SNTB1: variants seen among roughly 807,000 people sequenced by gnomAD.
SNTB1 encodes syntrophin beta 1.
SNTB1 carries 36 observed loss-of-function variants against 48.9 expected under a neutral mutation model. The ratio of observed to expected loss-of-function variants is 0.74; its 90% CI spans 0.56 to 0.97. The LOEUF is 0.97. SNTB1 is among the 50% of genes least tolerant of loss of function. The pLI, the probability that SNTB1 is intolerant of heterozygous loss-of-function variation, is 0.00. For missense variants in SNTB1, 786 were observed against 703.4 expected, an observed-to-expected ratio of 1.12 and a Z score of -1.33; for synonymous variants, 299 against 294.6, an observed-to-expected ratio of 1.01 and a Z score of -0.15.
chr8:120,704,525 T>A (rs113712948), intron 1 of SNTB1, among the ~76,000 whole-genome samples: 335 of 152,104 alleles, frequency 2.2e-3, no homozygotes, highest in Non-Finnish European at 3.1e-3. Flanking sequence ...CATAAACTGA[T>A]AAAATATCAG....
chr8:120,603,189 C>G (rs1362372726), intron 3 of SNTB1, among the ~76,000 whole-genome samples: 1 of 151,962 alleles, frequency 6.6e-6, no homozygotes, highest in Non-Finnish European at 1.5e-5. Flanking sequence ...TGCAACCTCT[C>G]CTCCCGGGTT....
At chr8:120,545,169 C>A (rs900658798) in intron 5 of SNTB1, among the ~76,000 whole-genome samples, 1 of 152,028 alleles carries the variant, frequency 6.6e-6, no homozygotes, top group African/African-American at 2.4e-5. Context: ...CACGGTGAAA[C>A]CCCATCTCTA....
chr8:120,759,231 C>A (rs1461285280), intron 1 of SNTB1, among the ~76,000 whole-genome samples: 2 of 152,156 alleles, frequency 1.3e-5, no homozygotes, highest in Non-Finnish European at 2.9e-5. Flanking sequence ...CATACATGAG[C>A]TAAACAGTTT....
intron 1 of SNTB1, among the ~76,000 whole-genome samples, chr8:120,722,549 G>C (rs979953124): frequency 5.9e-5 from 9 of 152,172 alleles, no homozygotes; most frequent in African/African-American, 2.2e-4. Context: ...GTCTTCTTTT[G>C]AGAAGTGTCT....
chr8:120,536,683 A>C lies in SNTB1; in HGVS notation c.*2194T>G, dbSNP rs891661430. 6.6e-6 allele frequency: 1 copy of C among 152,072 alleles called. No individual in the cohort carries two copies. The highest frequency in any genetic ancestry group is 1.5e-5 in the Non-Finnish European group (1 of 67,966). 9.4% of individuals were successfully genotyped at this position (152,072 alleles called of 1,614,324 possible). On this transcript the variant is annotated 3_prime_UTR_variant, in exon 7 of 7. Transcript: ENST00000517992. ...ATTCAAATATATTTTCCTAAAATAT[A>C]AATAATTAAATTAAATGTTTATAAA...
At chr8:120,660,993 G>T (rs373023421) in intron 2 of SNTB1, among the ~76,000 whole-genome samples, 3 of 152,146 alleles carry the variant, frequency 2.0e-5, no homozygotes, top group Non-Finnish European at 4.4e-5. Context: ...GGTGTAGTTT[G>T]TGGTATCCTA....
chr8:120,802,456 C>A (rs1820245138), intron 1 of SNTB1, among the ~76,000 whole-genome samples: 1 of 152,050 alleles, frequency 6.6e-6, no homozygotes, highest in African/African-American at 2.4e-5. Context: ...CCCACAGCAG[C>A]CTACACTGTG....
chr8:120,588,408 A>T (rs1482086648), intron 3 of SNTB1, among the ~76,000 whole-genome samples: 1 of 152,106 alleles, frequency 6.6e-6, no homozygotes, highest in East Asian at 1.9e-4. Context: ...AAAAAAAAAA[A>T]CAAGAATTGA....
intron 3 of SNTB1, among the ~76,000 whole-genome samples, chr8:120,606,559 T>A (rs1816523359): frequency 6.6e-6 from 1 of 152,044 alleles, no homozygotes; most frequent in African/African-American, 2.4e-5. Context: ...TAGGCAGGTA[T>A]TATCACTACA....
At chr8:120,697,412 G>T (rs1818230538) in intron 1 of SNTB1, among the ~76,000 whole-genome samples, 1 of 152,182 alleles carries the variant, frequency 6.6e-6, no homozygotes, top group South Asian at 2.1e-4. Flanking sequence ...ATTTTCATGT[G>T]CTAAGAACAG....
intron 1 of SNTB1, among the ~76,000 whole-genome samples, chr8:120,739,679 T>C (rs1219097232): frequency 6.6e-6 from 1 of 152,178 alleles, no homozygotes; most frequent in African/African-American, 2.4e-5. Flanking sequence ...GACTGGGGAA[T>C]TAAACACATC....
At chr8:120,585,775 T>A (rs1816129717) in intron 3 of SNTB1, among the ~76,000 whole-genome samples, 1 of 152,264 alleles carries the variant, frequency 6.6e-6, no homozygotes, top group Non-Finnish European at 1.5e-5. Flanking sequence ...CCAGGGCAGA[T>A]GTTTGCAAGT....
At chr8:120,707,159 G>T (rs183829056) in intron 1 of SNTB1, among the ~76,000 whole-genome samples, 1 of 152,282 alleles carries the variant, frequency 6.6e-6, no homozygotes, top group Non-Finnish European at 1.5e-5. Flanking sequence ...TGCATAAGTT[G>T]CAGGGCCTTT....
At chr8:120,796,535 A>G (rs966534345) in intron 1 of SNTB1, among the ~76,000 whole-genome samples, 1 of 152,018 alleles carries the variant, frequency 6.6e-6, no homozygotes, top group Non-Finnish European at 1.5e-5. Context: ...TAAAAACTGA[A>G]AGAAAGCACA....
chr8:120,582,106 T>C (rs1816058365), intron 3 of SNTB1, among the ~76,000 whole-genome samples: 2 of 152,178 alleles, frequency 1.3e-5, no homozygotes, highest in Admixed American at 6.5e-5. Flanking sequence ...CAAGTACACA[T>C]AGAATTAACA....
chr8:120,637,577 T>C (rs1817103340), intron 2 of SNTB1: 1 of 200,266 alleles, frequency 5.0e-6, no homozygotes, highest in African/African-American at 2.4e-5. Context: ...CACAAAGTGT[T>C]ATGTGCAAAA....
At chr8:120,565,634 ACT>A (rs1289012311) in intron 4 of SNTB1, among the ~76,000 whole-genome samples, 1 of 152,208 alleles carries the variant, frequency 6.6e-6, no homozygotes, top group Non-Finnish European at 1.5e-5. Flanking sequence ...GCTGTTGATC[ACT>A]CTGTGAGGGC....
At chr8:120,581,332 G>T (rs1369901281) in intron 3 of SNTB1, among the ~76,000 whole-genome samples, 3 of 152,144 alleles carry the variant, frequency 2.0e-5, no homozygotes, top group South Asian at 4.1e-4. Context: ...GGCCAGGCAC[G>T]GTGGCTCAGG....
chr8:120,773,301 T>C (rs1454986184), intron 1 of SNTB1, among the ~76,000 whole-genome samples: 1 of 152,162 alleles, frequency 6.6e-6, no homozygotes, highest in Non-Finnish European at 1.5e-5. Flanking sequence ...GAAAAATTGT[T>C]TAAGCCCAGA....
Sources: allele counts gnomAD v4.1 joint callset (sites outside exome capture counted in the v4.1 genomes callset), GRCh38; gene constraint gnomAD v4.1.1; transcripts MANE v1.5; gene names NCBI Gene and HGNC (gene_info 2026-07-23, HGNC 2026-07-21).